The following EPB41L4B variants were observed in gnomAD, a reference collection of about 807,000 sequenced individuals.
EPB41L4B encodes the protein band 4.1-like protein 4B.
EPB41L4B carries 30 observed loss-of-function variants against 112.5 expected under a neutral mutation model. The ratio of observed to expected loss-of-function variants is 0.27; its 90% CI spans 0.20 to 0.36. The LOEUF (loss-of-function observed/expected upper bound fraction) is 0.36. EPB41L4B is among the 10% of genes least tolerant of loss of function. The pLI, the probability that EPB41L4B is intolerant of heterozygous loss-of-function variation, is 1.00. For missense variants in EPB41L4B, 1,024 were observed against 1,133.3 expected (o/e 0.90, Z 1.38); for synonymous variants, 408 against 439.7 (o/e 0.93, Z 0.90).
chr9:109,240,101 G>A (rs892988779), intron 15 of EPB41L4B: 4 of 985,086 alleles, frequency 4.1e-6, no homozygotes, highest in Non-Finnish European at 4.8e-6. Context: ...ATTCACAAAT[G>A]AGACTTCTGC....
chr9:109,293,660 A>G (rs1836620224), intron 1 of EPB41L4B, among the ~76,000 whole-genome samples: 1 of 149,034 alleles, frequency 6.7e-6, no homozygotes, highest in Non-Finnish European at 1.5e-5. Flanking sequence ...CTGAGATTAC[A>G]GGGGTGAGCC....
intron 1 of EPB41L4B, among the ~76,000 whole-genome samples, chr9:109,292,452 A>T (rs1316851139): frequency 6.6e-6 from 1 of 152,216 alleles, no homozygotes; most frequent in East Asian, 1.9e-4. Context: ...CATTATCATC[A>T]GGCAAGGCAA....
chr9:109,314,820 G>A (rs1033556435), intron 1 of EPB41L4B, among the ~76,000 whole-genome samples: 2 of 152,158 alleles, frequency 1.3e-5, no homozygotes, highest in Non-Finnish European at 2.9e-5. Flanking sequence ...AAGCCACCCA[G>A]AGCCCTGGGA....
chr9:109,222,842 C>A (rs915771982), intron 15 of EPB41L4B, among the ~76,000 whole-genome samples: 25 of 152,136 alleles, frequency 1.6e-4, no homozygotes, highest in Non-Finnish European at 2.5e-4. Flanking sequence ...CCCTTAGACA[C>A]TGGGGCTTAG....
intron 9 of EPB41L4B, 32 bp downstream of exon 9, chr9:109,256,104 G>T: frequency 3.8e-6 from 6 of 1,571,978 alleles, no homozygotes; most frequent in Middle Eastern, 1.7e-4. Context: ...AATAGGAAAA[G>T]ACATTTTTAA....
At chr9:109,208,421 T>C (rs1487267461) in intron 17 of EPB41L4B, among the ~76,000 whole-genome samples, 1 of 152,218 alleles carries the variant, frequency 6.6e-6, no homozygotes, top group Non-Finnish European at 1.5e-5. Context: ...AAAAATTCAA[T>C]TCTGTGACTT....
intron 1 of EPB41L4B, among the ~76,000 whole-genome samples, chr9:109,299,185 A>G (rs766033354): frequency 6.6e-5 from 10 of 152,232 alleles, no homozygotes; most frequent in Admixed American, 2.6e-4. Context: ...AGATCTTCCA[A>G]TCTTTCAAGG....
chr9:109,291,857 T>C (rs934232245), intron 1 of EPB41L4B, among the ~76,000 whole-genome samples: 5 of 152,142 alleles, frequency 3.3e-5, no homozygotes, highest in African/African-American at 1.2e-4. Context: ...AGAACCATAG[T>C]CGCACTGGCT....
At chr9:109,205,570 T>G (rs1269780787) in intron 18 of EPB41L4B, among the ~76,000 whole-genome samples, 1 of 152,192 alleles carries the variant, frequency 6.6e-6, no homozygotes, top group African/African-American at 2.4e-5. Flanking sequence ...AAATAAAGAA[T>G]TTGTGACTAT....
intron 1 of EPB41L4B, among the ~76,000 whole-genome samples, chr9:109,309,753 C>CAGAGAG (rs1420623789): frequency 2.8e-4 from 39 of 137,532 alleles, no homozygotes; most frequent in African/African-American, 1.1e-3. Flanking sequence ...GAAATACACA[C>CAGAGAG]ACAGAGAGAG....
At chr9:109,175,132 G>C (rs1831772019) in intron 25 of EPB41L4B, among the ~76,000 whole-genome samples, 1 of 151,810 alleles carries the variant, frequency 6.6e-6, no homozygotes, top group Non-Finnish European at 1.5e-5. Context: ...GCCCAGGCTG[G>C]TCTCGAACTC....
At chr9:109,241,144 C>G in intron 15 of EPB41L4B, 1 of 985,770 alleles carries the variant, frequency 1.0e-6, no homozygotes, top group Non-Finnish European at 1.2e-6. Flanking sequence ...GAAATGTTAA[C>G]AAATTGCAGA....
chr9:109,204,377 T>C (rs544812091), intron 18 of EPB41L4B, among the ~76,000 whole-genome samples: 23 of 152,312 alleles, frequency 1.5e-4, no homozygotes, highest in African/African-American at 5.3e-4. Context: ...TAAATACATA[T>C]TGAGCAAAGA....
At chr9:109,285,110 A>G (rs1836220345) in intron 1 of EPB41L4B, among the ~76,000 whole-genome samples, 1 of 152,212 alleles carries the variant, frequency 6.6e-6, no homozygotes, top group Admixed American at 6.5e-5. Context: ...CTGAATACAC[A>G]GGGCCACCAA....
At chr9:109,248,619 GTTTGT>G (rs1219585752) in intron 13 of EPB41L4B, among the ~76,000 whole-genome samples, 1 of 152,092 alleles carries the variant, frequency 6.6e-6, no homozygotes, top group East Asian at 1.9e-4. Flanking sequence ...GAATCTTTTT[GTTTGT>G]TTTAAGAGAT....
intron 1 of EPB41L4B, among the ~76,000 whole-genome samples, chr9:109,292,265 G>T (rs934432454): frequency 3.9e-5 from 6 of 152,184 alleles, no homozygotes; most frequent in African/African-American, 1.4e-4. Flanking sequence ...GATTCTGGCT[G>T]CCCTGAGACT....
intron 1 of EPB41L4B, among the ~76,000 whole-genome samples, chr9:109,301,886 G>T (rs1009270178): frequency 6.6e-6 from 1 of 152,212 alleles, no homozygotes; most frequent in African/African-American, 2.4e-5. Context: ...GTGGGAGACT[G>T]AGCAAGACCC....
intron 15 of EPB41L4B, among the ~76,000 whole-genome samples, chr9:109,221,923 C>T (rs1833586907): frequency 6.6e-6 from 1 of 152,134 alleles, no homozygotes; most frequent in African/African-American, 2.4e-5. Flanking sequence ...GCTTGGAGTG[C>T]AAGATTCAGA....
At chr9:109,243,764 C>A (rs938457941) in intron 14 of EPB41L4B, 82 bp from the exon 15 acceptor site, 3 of 1,376,928 alleles carry the variant, frequency 2.2e-6, no homozygotes, top group Non-Finnish European at 3.1e-6. Context: ...TTCCTGGCAT[C>A]CACCCGAGGG....
Sources: gnomAD v4.1 joint callset for allele counts (sites outside exome capture counted in the v4.1 genomes callset) on GRCh38, gnomAD v4.1.1 for gene constraint, MANE v1.5 for transcripts, NCBI Gene and HGNC (gene_info 2026-07-23, HGNC 2026-07-21) for gene names.